Variants in TMOD2 observed in about 807,000 individuals in gnomAD.
TMOD2 encodes the protein tropomodulin-2.
TMOD2 carries 22 observed loss-of-function variants against 39.9 expected under a neutral mutation model. The observed-to-expected ratio is 0.55, with a 90% CI of 0.39 to 0.79. TMOD2 has a LOEUF of 0.79. TMOD2 is among the 30% of genes least tolerant of loss of function. The pLI is 0.00. For synonymous variants in TMOD2, 123 were observed against 146.1 expected, an observed-to-expected ratio of 0.84 and a Z score of 1.14; for missense variants, 386 against 413.3, an observed-to-expected ratio of 0.93 and a Z score of 0.57.
chr15:51,800,856 C>T (rs1409950448), intron 8 of TMOD2, among the ~76,000 whole-genome samples: 1 of 152,182 alleles, frequency 6.6e-6, no homozygotes, highest in African/African-American at 2.4e-5. Context: ...CAGGCACACA[C>T]TACCATGCCC....
In TMOD2 at chr15:51,815,441, AG is replaced by A. The variant is rs1290905059; in HGVS notation, c.*6988del. On this transcript the variant is annotated 3_prime_UTR_variant, in exon 10 of 10. Transcript: ENST00000249700. ...AGTAAGTATTGACTGGGAAAAAGAG[AG>A]AAGTCAATCAAAAGTATACTGTGCA... 1.3e-5 allele frequency: 2 copies of A among 152,126 alleles called. No individual in the cohort carries two copies. The highest frequency in any genetic ancestry group is 6.6e-5 in the Admixed American group (1 of 15,252). 9.4% of individuals were successfully genotyped at this position (152,126 alleles called of 1,614,324 possible).
intron 2 of TMOD2, among the ~76,000 whole-genome samples, chr15:51,767,977 A>G (rs2055827140): frequency 6.6e-6 from 1 of 152,192 alleles, no homozygotes; most frequent in African/African-American, 2.4e-5. Context: ...ACAAGGAAAG[A>G]GGTCTTTTGC....
At position 51,755,993 on chromosome 15, in the gene TMOD2, G is replaced by C. The variant is rs545650503; in HGVS notation, c.-70+4281G>C. Reference sequence around the variant, plus strand: ...AGGAAGGACATGGTTAAAAGCAACAGGCAGTTAAAACCCAGAAAGGCGCAG... The same window carrying C: ...AGGAAGGACATGGTTAAAAGCAACACGCAGTTAAAACCCAGAAAGGCGCAG... On this transcript the variant is annotated intron_variant, in intron 1 of 9. Transcript: ENST00000249700. Among the ~76,000 whole-genome samples the C allele has an allele frequency of 2.0e-5, 3 of 152,236 alleles. No homozygotes were observed. In the East Asian group the frequency reaches 5.8e-4, roughly 29 times the overall value.
chr15:51,800,413 A>G (rs902039177), intron 8 of TMOD2, among the ~76,000 whole-genome samples: 10 of 152,146 alleles, frequency 6.6e-5, no homozygotes, highest in African/African-American at 2.4e-4. Context: ...GCACATGCCT[A>G]TAATCCCAGC....
At chr15:51,780,543 C>T (rs2055922605) in intron 5 of TMOD2, among the ~76,000 whole-genome samples, 1 of 152,046 alleles carries the variant, frequency 6.6e-6, no homozygotes, top group African/African-American at 2.4e-5. Flanking sequence ...AGAATTCTTC[C>T]ATTCTTCTTT....
intron 7 of TMOD2, among the ~76,000 whole-genome samples, chr15:51,795,148 C>T (rs1318308467): frequency 2.6e-5 from 4 of 152,016 alleles, no homozygotes; most frequent in African/African-American, 7.2e-5. Flanking sequence ...GGTCCGGGTG[C>T]GGTGGCTCAC....
rs114526149 is a variant in TMOD2, at chr15:51,764,740, G to C, written c.-69-1633G>C. On this transcript the variant is annotated intron_variant, in intron 1 of 9. Coordinates refer to ENST00000249700, the MANE Select transcript of TMOD2 (RefSeq NM_014548.4). ...CTGCTCTACCAGCATATCATTTACT[G>C]TCTTATCCTGTACCCCTTTGTGCTG... is the stretch of plus-strand genomic sequence containing the variant. Among the ~76,000 whole-genome samples, 1,447 of 152,142 alleles carry C rather than the reference G, an allele frequency of 9.5e-3. 22 individuals carry two copies. Among genetic ancestry groups the C allele is most frequent in the African/African-American group, 0.034 (1,394 of 41,488 alleles).
At chr15:51,753,807 C>T (rs1321983266) in intron 1 of TMOD2, among the ~76,000 whole-genome samples, 3 of 150,636 alleles carry the variant, frequency 2.0e-5, no homozygotes, top group Admixed American at 2.0e-4. Flanking sequence ...AGGAACGTAG[C>T]AAATGTGGCA....
At chr15:51,759,993 C>A (rs999716925) in intron 1 of TMOD2, among the ~76,000 whole-genome samples, 11 of 152,146 alleles carry the variant, frequency 7.2e-5, no homozygotes, top group Non-Finnish European at 1.0e-4. Flanking sequence ...GCTAGTGCCC[C>A]CTGTGGGCCA....
rs180879212 is a variant in TMOD2, at chr15:51,808,549, G to A, written c.*95G>A. On this transcript the variant is annotated 3_prime_UTR_variant, in exon 10 of 10. Coordinates refer to ENST00000249700, the MANE Select transcript of TMOD2 (RefSeq NM_014548.4). Reference sequence around the variant, plus strand: ...CATCAGGACCATTTTATCAAAGTTCGTTCATTTCCGTTAACCACATAACTA... The same window carrying A: ...CATCAGGACCATTTTATCAAAGTTCATTCATTTCCGTTAACCACATAACTA... The A allele has an allele frequency of 6.5e-5, 59 of 907,424 alleles. No homozygotes were observed. Among genetic ancestry groups the A allele is most frequent in the East Asian group, 1.0e-4 (4 of 38,686 alleles). The allele number at this position is 907,424 out of a possible 1,614,324, so 56.2% of individuals were successfully genotyped here.
intron 1 of TMOD2, among the ~76,000 whole-genome samples, chr15:51,762,033 C>G (rs981435903): frequency 3.3e-5 from 5 of 151,516 alleles, no homozygotes; most frequent in Non-Finnish European, 5.9e-5. Flanking sequence ...CCTGTAGTCC[C>G]AGCTACTCAG....
chr15:51,793,054 A>G (rs1435000599), intron 7 of TMOD2, among the ~76,000 whole-genome samples: 1 of 152,214 alleles, frequency 6.6e-6, no homozygotes, highest in East Asian at 1.9e-4. Context: ...TGGAAGCCCC[A>G]TGTATAAATT....
At chr15:51,776,707 T>C (rs910065881) in intron 4 of TMOD2, among the ~76,000 whole-genome samples, 4 of 152,304 alleles carry the variant, frequency 2.6e-5, no homozygotes, top group South Asian at 4.1e-4. Flanking sequence ...CCTAAATGAT[T>C]CTACATGTGG....
intron 4 of TMOD2, among the ~76,000 whole-genome samples, chr15:51,776,235 T>C (rs2055888491): frequency 1.3e-5 from 2 of 152,196 alleles, no homozygotes; most frequent in Non-Finnish European, 2.9e-5. Context: ...TATTATCCCT[T>C]CTGGGATCCT....
At chr15:51,801,429 T>G (rs767725475) in intron 8 of TMOD2, among the ~76,000 whole-genome samples, 29 of 152,208 alleles carry the variant, frequency 1.9e-4, no homozygotes, top group Non-Finnish European at 3.2e-4. Context: ...ACTCATAGAC[T>G]GTTAGAAGTA....
In TMOD2 at chr15:51,790,078, T is replaced by G. The variant is rs543779264; in HGVS notation, c.732+7250T>G. On this transcript the variant is annotated intron_variant, in intron 7 of 9. Coordinates refer to ENST00000249700, the MANE Select transcript of TMOD2 (RefSeq NM_014548.4). Reference sequence around the variant, plus strand: ...AAATCAATGAATCCAGGAGCTGGTTTTTTGAAAAGATCAACAAAATAGACC... The same window carrying G: ...AAATCAATGAATCCAGGAGCTGGTTGTTTGAAAAGATCAACAAAATAGACC... 3.3e-5 allele frequency among the ~76,000 whole-genome samples: 5 copies of G among 152,236 alleles called. No individual in the cohort carries two copies. The East Asian group carries it at 9.6e-4, about 29-fold the overall frequency.
intron 3 of TMOD2, 36 bp from the exon 4 acceptor site, chr15:51,773,676 A>T (rs770818114): frequency 6.3e-7 from 1 of 1,577,878 alleles, no homozygotes; most frequent in South Asian, 1.2e-5. Flanking sequence ...ATAAGGCAGT[A>T]GTACTCAATA....
At chr15:51,789,411 G>A (rs1460633970) in intron 7 of TMOD2, among the ~76,000 whole-genome samples, 2 of 152,082 alleles carry the variant, frequency 1.3e-5, no homozygotes, top group Non-Finnish European at 2.9e-5. Flanking sequence ...GATAATAATG[G>A]GAGACTTTAA....
intron 1 of TMOD2, among the ~76,000 whole-genome samples, chr15:51,755,842 G>A (rs866647585): frequency 1.3e-5 from 2 of 151,952 alleles, no homozygotes; most frequent in African/African-American, 4.8e-5. Flanking sequence ...AAAGAGACAA[G>A]ATGAGTGAGT....
Sources: gnomAD v4.1 joint callset for allele counts (sites outside exome capture counted in the v4.1 genomes callset) on GRCh38, gnomAD v4.1.1 for gene constraint, MANE v1.5 for transcripts, NCBI Gene and HGNC (gene_info 2026-07-23, HGNC 2026-07-21) for gene names.